COL9A1: variants seen among roughly 807,000 people sequenced by gnomAD.
COL9A1 encodes the protein collagen alpha-1(IX) chain.
Under a neutral mutation model 142.6 loss-of-function variants are expected in COL9A1, and 104 were observed. The ratio of observed to expected loss-of-function variants is 0.73; its 90% CI spans 0.62 to 0.86. The LOEUF is 0.86. Among genes scored for constraint, COL9A1 ranks in the 40% least tolerant of loss-of-function variants. The pLI is 0.00. For synonymous variants in COL9A1, 466 were observed against 396.0 expected, an observed-to-expected ratio of 1.18 and a Z score of -2.10; for missense variants, 1,210 against 1,176.6, an observed-to-expected ratio of 1.03 and a Z score of -0.42.
intron 5 of COL9A1, 77 bp from the exon 6 acceptor site, chr6:70,283,897 C>G: frequency 1.0e-6 from 1 of 995,714 alleles, no homozygotes; most frequent in Non-Finnish European, 1.6e-6. Context: ...AGATGAGTTG[C>G]GTCTAATTGT....
chr6:70,280,507 G>A, intron 10 of COL9A1: 3 of 1,348,620 alleles, frequency 2.2e-6, no homozygotes, highest in Non-Finnish European at 2.9e-6. Context: ...GCCCCAGTGG[G>A]GCTGAGAGTT....
At chr6:70,274,990 T>C (rs977426937) in intron 10 of COL9A1, 2 of 557,974 alleles carry the variant, frequency 3.6e-6, no homozygotes, top group Non-Finnish European at 6.4e-6. Flanking sequence ...AGTTGTATCA[T>C]ACTCCTAACT....
intron 5 of COL9A1, among the ~76,000 whole-genome samples, chr6:70,290,459 C>A (rs1345815723): frequency 6.6e-6 from 1 of 152,030 alleles, no homozygotes; most frequent in Non-Finnish European, 1.5e-5. Flanking sequence ...ATGCTCTGAG[C>A]CCACTAAGTA....
chr6:70,240,963 A>T (rs1770220848), intron 31 of COL9A1, among the ~76,000 whole-genome samples: 1 of 152,230 alleles, frequency 6.6e-6, no homozygotes, highest in Admixed American at 6.5e-5. Context: ...AGAATGAAGG[A>T]TAAATGACCA....
rs113541357 is a variant in COL9A1, at chr6:70,272,294, T to C, written c.1066-206A>G. ...TATTTCAGCTCCTCTAACATTCCTT[T>C]GCTGTCTATGCTAACTGGGATTTTT... On this transcript the variant is annotated intron_variant, in intron 12 of 37. Coordinates refer to ENST00000357250, the MANE Select transcript of COL9A1 (RefSeq NM_001851.6). 3.0e-3 allele frequency among the ~76,000 whole-genome samples: 457 copies of C among 151,798 alleles called. 2 individuals are homozygous for C. Among genetic ancestry groups the C allele is most frequent in the African/African-American group, 0.01 (424 of 41,320 alleles).
At chr6:70,233,991 A>G (rs1468154559) in intron 35 of COL9A1, among the ~76,000 whole-genome samples, 5 of 152,254 alleles carry the variant, frequency 3.3e-5, no homozygotes, top group Admixed American at 2.6e-4. Flanking sequence ...AGCTACAGGT[A>G]AATTTTGATA....
chr6:70,223,690 G>GA (rs1769038182), intron 37 of COL9A1, among the ~76,000 whole-genome samples: 1 of 152,258 alleles, frequency 6.6e-6, no homozygotes, highest in South Asian at 2.1e-4. Context: ...CCAAAGCGCA[G>GA]AAAACGATCC....
intron 20 of COL9A1, among the ~76,000 whole-genome samples, chr6:70,259,911 C>T (rs1337071021): frequency 1.3e-5 from 2 of 152,054 alleles, no homozygotes; most frequent in Non-Finnish European, 2.9e-5. Context: ...ATAACCCATG[C>T]TAAGGGCAGG....
chr6:70,263,350 G>A lies in COL9A1; in HGVS notation c.1342-53C>T, dbSNP rs1029653618. The A allele has an allele frequency of 4.4e-5, 66 of 1,511,316 alleles. No homozygotes were observed. The Middle Eastern group carries it at 6.8e-4, about 16-fold the overall frequency. 93.6% of individuals were successfully genotyped at this position (1,511,316 alleles called of 1,614,324 possible). ...CACACCAAATGTTATTCTAGCAAAC[G>A]AACATAGAAATAGGCTTGGTCTAAC... On this transcript the variant is annotated intron_variant, in intron 18 of 37. Transcript: ENST00000357250.
intron 4 of COL9A1, among the ~76,000 whole-genome samples, chr6:70,298,976 T>C (rs1773951912): frequency 6.6e-6 from 1 of 152,072 alleles, no homozygotes; most frequent in Admixed American, 6.5e-5. Flanking sequence ...CCACTCACCT[T>C]ATGCAAGTAA....
Position 70,270,359 on chromosome 6 carries a change from A to AG in COL9A1, c.1151dup (p.Gly385TrpfsTer22). 1 of 1,613,718 alleles carries AG rather than the reference A, an allele frequency of 6.2e-7. No homozygotes were observed. The highest frequency in any genetic ancestry group is 8.5e-7 in the Non-Finnish European group (1 of 1,179,824). On this transcript the variant is annotated frameshift_variant, in exon 15 of 38. Coordinates refer to ENST00000357250, the MANE Select transcript of COL9A1 (RefSeq NM_001851.6). LOFTEE classifies it high-confidence loss of function. ...GGGGGCCAGGTGGTCCTCTTCTCCC[A>AG]GGGTCACCCTAAGTTATTTGAAAAT...
intron 20 of COL9A1, among the ~76,000 whole-genome samples, chr6:70,257,314 C>T (rs1771382341): frequency 6.6e-6 from 1 of 152,094 alleles, no homozygotes; most frequent in Non-Finnish European, 1.5e-5. Context: ...CCACCTTGGC[C>T]TCCCAAAGTG....
intron 5 of COL9A1, 45 bp downstream of exon 5, chr6:70,294,122 T>A (rs750200542): frequency 2.5e-6 from 4 of 1,609,972 alleles, no homozygotes; most frequent in Non-Finnish European, 8.5e-7. Flanking sequence ...TTTTTACCAA[T>A]CTAGTTTTGC....
At chr6:70,252,900 C>A (rs1771042116) in intron 26 of COL9A1, among the ~76,000 whole-genome samples, 1 of 152,142 alleles carries the variant, frequency 6.6e-6, no homozygotes, top group Non-Finnish European at 1.5e-5. Flanking sequence ...CACCTTTTAT[C>A]TCTTTTCTTC....
chr6:70,220,551 TGTAGAAATACCAGAGAAA>T (rs1768816717), intron 37 of COL9A1, among the ~76,000 whole-genome samples: 1 of 151,398 alleles, frequency 6.6e-6, no homozygotes, highest in African/African-American at 2.4e-5. Context: ...GGTTTTGCCC[TGTAGAAATACCAGAGAAA>T]AAAAAACAGC....
chr6:70,300,985 T>C (rs1266622364), intron 2 of COL9A1, among the ~76,000 whole-genome samples: 2 of 152,184 alleles, frequency 1.3e-5, no homozygotes, highest in African/African-American at 4.8e-5. Flanking sequence ...GAGGATGGAT[T>C]TGATTTCATA....
chr6:70,240,901 C>G (rs1408299487), intron 31 of COL9A1, among the ~76,000 whole-genome samples, 168 bp from the exon 32 acceptor site: 2 of 151,860 alleles, frequency 1.3e-5, no homozygotes, highest in Admixed American at 6.6e-5. Flanking sequence ...TGGTTAGTCC[C>G]AATCAGAAAA....
chr6:70,251,175 A>G (rs1770914439), intron 28 of COL9A1, among the ~76,000 whole-genome samples: 1 of 152,244 alleles, frequency 6.6e-6, no homozygotes, highest in Non-Finnish European at 1.5e-5. Context: ...AAAAGAAATG[A>G]AGTACTGATA....
At chr6:70,288,214 C>T (rs192015536) in intron 5 of COL9A1, among the ~76,000 whole-genome samples, 1 of 152,288 alleles carries the variant, frequency 6.6e-6, no homozygotes, top group African/African-American at 2.4e-5. Flanking sequence ...CAATTACTCG[C>T]GCCTAAAGTA....
Sources: gnomAD v4.1 joint callset for allele counts (sites outside exome capture counted in the v4.1 genomes callset) on GRCh38, gnomAD v4.1.1 for gene constraint, MANE v1.5 for transcripts, NCBI Gene and HGNC (gene_info 2026-07-23, HGNC 2026-07-21) for gene names.